HACE1: variants seen among roughly 807,000 people sequenced by gnomAD.
The protein encoded by HACE1 is E3 ubiquitin-protein ligase HACE1.
In HACE1, 73 loss-of-function variants were observed where a neutral mutation model predicts 118.4. The ratio of observed to expected loss-of-function variants is 0.62; its 90% CI spans 0.51 to 0.75. HACE1 has a LOEUF of 0.75. HACE1 is among the 30% of genes least tolerant of loss of function. HACE1 has a pLI of 0.00. For synonymous variants in HACE1, 368 were observed against 374.8 expected (o/e 0.98, Z 0.21); for missense variants, 749 against 1,102.2 (o/e 0.68, Z 4.54).
At chr6:104,832,968 A>C in intron 6 of HACE1, 74 bp downstream of exon 6, 1 of 1,346,282 alleles carries the variant, frequency 7.4e-7, no homozygotes, top group Non-Finnish European at 1.1e-6. Flanking sequence ...AAATATGCAC[A>C]ATGAAAAACT....
chr6:104,742,364 G>A (rs1294745012), intron 22 of HACE1, among the ~76,000 whole-genome samples: 1 of 145,710 alleles, frequency 6.9e-6, no homozygotes, highest in Non-Finnish European at 1.5e-5. Context: ...TACCATCAGA[G>A]TGAACAGGCA....
intron 10 of HACE1, among the ~76,000 whole-genome samples, chr6:104,794,515 T>C (rs2114858708): frequency 6.6e-6 from 1 of 152,330 alleles, no homozygotes; most frequent in Non-Finnish European, 1.5e-5. Context: ...TAAAATCCAA[T>C]AAAATCCTGA....
chr6:104,853,767 G>A (rs1776462123), intron 1 of HACE1, among the ~76,000 whole-genome samples: 1 of 152,248 alleles, frequency 6.6e-6, no homozygotes, highest in East Asian at 1.9e-4. Context: ...ATGATCCACT[G>A]AAAGGGGACA....
At position 104,849,929 on chromosome 6, in the gene HACE1, C is replaced by T. The variant is rs568323074; in HGVS notation, c.222-683G>A. 1.5e-4 allele frequency among the ~76,000 whole-genome samples: 23 copies of T among 148,690 alleles called. No individual in the cohort carries two copies. In the East Asian group the frequency reaches 2.2e-3, roughly 14 times the overall value. On this transcript the variant is annotated intron_variant, in intron 3 of 23. Transcript: ENST00000262903. ...CCTCCCAAAGTGCTAGGATTACAGG[C>T]GTAAGCCACCACGCCCGTCCTTTTT...
At position 104,850,852 on chromosome 6, in the gene HACE1, G is replaced by A. The variant is rs141974218; in HGVS notation, c.221+55C>T. The A allele has an allele frequency of 6.2e-4, 652 of 1,044,922 alleles. 5 individuals are homozygous for A. In the East Asian group the frequency reaches 0.015, roughly 25 times the overall value. 64.7% of individuals were successfully genotyped at this position (1,044,922 alleles called of 1,614,324 possible). ...ATATTGTGTGATAATGCTGTTCAAA[G>A]CTTACTGATCCTTGCCCTAGATCAG... is the stretch of plus-strand genomic sequence containing the variant. On this transcript the variant is annotated intron_variant, in intron 3 of 23. Transcript: ENST00000262903.
chr6:104,816,113 A>C (rs1256976264), intron 6 of HACE1, among the ~76,000 whole-genome samples: 1 of 152,196 alleles, frequency 6.6e-6, no homozygotes, highest in African/African-American at 2.4e-5. Context: ...AAGTTTGGAA[A>C]ATGTGCAGCC....
rs368926767 is a variant in HACE1, at chr6:104,852,361, A to G, written c.87T>C (p.Thr29=). 3 of 1,581,362 alleles carry G rather than the reference A, an allele frequency of 1.9e-6. No individual in the cohort carries two copies. The highest frequency in any genetic ancestry group is 2.6e-6 in the Non-Finnish European group (3 of 1,155,814). The stretch of plus-strand genomic sequence containing the variant: ...CCATTGGCATTAATGTATAAACAGC[A>G]GTTTCATTATCTGAGTAAAAAAAAA... ...RTVELPEDNE[T]AVYTLMPMVM... is the part of the protein sequence containing the mutation. The change falls in exon 2 of 24, where the codon ACT becomes ACC. Residue 29 remains threonine, a synonymous_variant. Coordinates refer to ENST00000262903, the MANE Select transcript of HACE1 (RefSeq NM_020771.4).
Position 104,778,859 on chromosome 6 carries a change from G to C in HACE1, c.1567-1542C>G, listed in dbSNP as rs1014587514. On this transcript the variant is annotated intron_variant, in intron 14 of 23. Transcript: ENST00000262903. ...CTCTGCAAGATAGAACTTATGAATA[G>C]AAATAACTTAAAGTGGAAAAGCCCT... Among the ~76,000 whole-genome samples, 4 of 151,906 alleles carry C rather than the reference G, an allele frequency of 2.6e-5. No individual in the cohort carries two copies. The East Asian group carries it at 7.7e-4, about 29-fold the overall frequency.
chr6:104,805,804 T>C (rs1483092174), intron 7 of HACE1, among the ~76,000 whole-genome samples: 1 of 152,016 alleles, frequency 6.6e-6, no homozygotes, highest in Non-Finnish European at 1.5e-5. Flanking sequence ...TGTATACCTA[T>C]GTAACAAACC....
intron 1 of HACE1, among the ~76,000 whole-genome samples, chr6:104,854,664 T>A (rs1035620550): frequency 2.0e-5 from 3 of 152,028 alleles, no homozygotes; most frequent in African/African-American, 7.2e-5. Context: ...ACAAACTGTA[T>A]ATGGACTTGG....
chr6:104,784,843 C>A (rs1782164709), intron 12 of HACE1, 142 bp downstream of exon 12: 2 of 655,536 alleles, frequency 3.1e-6, no homozygotes, highest in Non-Finnish European at 2.7e-6. Context: ...CCTACTAGAT[C>A]TAGATTAGTA....
chr6:104,790,083 A>G (rs957172044), intron 11 of HACE1, among the ~76,000 whole-genome samples: 1 of 152,050 alleles, frequency 6.6e-6, no homozygotes, highest in Non-Finnish European at 1.5e-5. Flanking sequence ...AAAAAAAAGA[A>G]AACAAAAATA....
At chr6:104,837,804 T>C (rs1048572295) in intron 5 of HACE1, among the ~76,000 whole-genome samples, 1 of 152,160 alleles carries the variant, frequency 6.6e-6, no homozygotes, top group Admixed American at 6.5e-5. Context: ...GATGATATGA[T>C]CTTGTATTTG....
chr6:104,816,357 G>C (rs182056432), intron 6 of HACE1, among the ~76,000 whole-genome samples: 2 of 152,182 alleles, frequency 1.3e-5, no homozygotes, highest in Admixed American at 6.5e-5. Flanking sequence ...GTGCAGCTTC[G>C]GGACTTAGTG....
In HACE1 at chr6:104,730,428, T is replaced by C; in HGVS notation, c.2514-12A>G. Reference sequence around the variant, plus strand: ...GTGGGACCCTGGAACTAAGAGTTTATATCTTAATACATTGTAATCATGAAA... The same window carrying C: ...GTGGGACCCTGGAACTAAGAGTTTACATCTTAATACATTGTAATCATGAAA... On this transcript the variant is annotated splice_polypyrimidine_tract_variant and intron_variant, in intron 22 of 23. Coordinates refer to ENST00000262903, the MANE Select transcript of HACE1 (RefSeq NM_020771.4). 1 of 1,112,246 alleles carries C rather than the reference T, an allele frequency of 9.0e-7. No individual in the cohort carries two copies. The highest frequency in any genetic ancestry group is 1.2e-5 in the South Asian group (1 of 81,160). The allele number at this position is 1,112,246 out of a possible 1,614,324, so 68.9% of individuals were successfully genotyped here.
rs1020687560 is a variant in HACE1 at position 104,785,326 on chromosome 6, GA to G, written c.1075-8del. The G allele has an allele frequency of 1.3e-6, 2 of 1,498,068 alleles. No individual in the cohort carries two copies. The highest frequency in any genetic ancestry group is 2.8e-5 in the African/African-American group (2 of 70,458). The allele number at this position is 1,498,068 out of a possible 1,614,324, so 92.8% of individuals were successfully genotyped here. ...GCCAAAGCAATTCCAGAGGCTGAGA[GA>G]AACAAAAGTGTTTTTTAAACATCAT... is the stretch of plus-strand genomic sequence containing the variant. On this transcript the variant is annotated splice_polypyrimidine_tract_variant and splice_region_variant and intron_variant, in intron 11 of 23. Transcript: ENST00000262903.
intron 5 of HACE1, among the ~76,000 whole-genome samples, chr6:104,834,114 TCCTA>T (rs1427347462): frequency 6.6e-6 from 1 of 151,746 alleles, no homozygotes; most frequent in East Asian, 1.9e-4. Context: ...ACTGCACTCC[TCCTA>T]CCTGTGTGAC....
At chr6:104,806,849 C>G (rs1225655266) in intron 7 of HACE1, among the ~76,000 whole-genome samples, 1 of 152,080 alleles carries the variant, frequency 6.6e-6, no homozygotes, top group Non-Finnish European at 1.5e-5. Flanking sequence ...TTCTCAAACA[C>G]TTTCGGCCCC....
intron 14 of HACE1, among the ~76,000 whole-genome samples, chr6:104,777,706 A>G (rs1781360625): frequency 6.6e-6 from 1 of 152,184 alleles, no homozygotes; most frequent in Non-Finnish European, 1.5e-5. Flanking sequence ...TTAATTTTTC[A>G]TGAAAATAAT....
Sources: gnomAD v4.1 joint callset for allele counts (sites outside exome capture counted in the v4.1 genomes callset) on GRCh38, gnomAD v4.1.1 for gene constraint, MANE v1.5 for transcripts, NCBI Gene and HGNC (gene_info 2026-07-23, HGNC 2026-07-21) for gene names.